Variants in CCDC171 observed in about 807,000 individuals in gnomAD.
CCDC171 encodes the protein coiled-coil domain-containing protein 171.
A neutral mutation model predicts 168.2 loss-of-function variants in CCDC171; 177 were observed. The ratio of observed to expected loss-of-function variants is 1.05; its 90% CI spans 0.93 to 1.19. The LOEUF (loss-of-function observed/expected upper bound fraction) is 1.19. CCDC171 is among the 50% of genes most tolerant of loss of function. The probability of loss-of-function intolerance (pLI) is 0.00; values close to 1 mark genes in which losing one functional copy is unlikely to be tolerated. For missense variants in CCDC171, 1,991 were observed against 1,539.0 expected (o/e 1.29, Z -4.91); for synonymous variants, 687 against 540.8 (o/e 1.27, Z -3.75).
At chr9:15,778,750 T>C (rs886218549) in intron 19 of CCDC171, among the ~76,000 whole-genome samples, 2 of 152,084 alleles carry the variant, frequency 1.3e-5, no homozygotes, top group African/African-American at 4.8e-5. Flanking sequence ...GTCAATTTCA[T>C]TTTTAGCTAT....
intron 23 of CCDC171, among the ~76,000 whole-genome samples, chr9:15,870,077 A>G (rs2061969817): frequency 6.6e-6 from 1 of 151,442 alleles, no homozygotes; most frequent in Non-Finnish European, 1.5e-5. Context: ...GCAGCCATGG[A>G]CAATAGGTAA....
intron 11 of CCDC171, among the ~76,000 whole-genome samples, chr9:15,705,566 C>G (rs1030155286): frequency 6.6e-6 from 1 of 152,186 alleles, no homozygotes; most frequent in African/African-American, 2.4e-5. Context: ...GTATAGCTCT[C>G]TTTCTTGTCT....
intron 18 of CCDC171, among the ~76,000 whole-genome samples, chr9:15,751,854 G>A (rs2055766034): frequency 6.6e-6 from 1 of 152,138 alleles, no homozygotes; most frequent in South Asian, 2.1e-4. Context: ...CATGGGCAAA[G>A]ACTTCATGAC....
intron 8 of CCDC171, among the ~76,000 whole-genome samples, chr9:15,660,082 C>T (rs1165952515): frequency 6.6e-6 from 1 of 152,094 alleles, no homozygotes; most frequent in Admixed American, 6.6e-5. Flanking sequence ...GTTTAAAGAA[C>T]TCCCAATGTA....
intron 18 of CCDC171, among the ~76,000 whole-genome samples, chr9:15,746,888 C>A (rs2055331321): frequency 6.6e-6 from 1 of 152,218 alleles, no homozygotes; most frequent in African/African-American, 2.4e-5. Flanking sequence ...GAATGGTACA[C>A]TTCTGCTCAA....
chr9:15,672,426 C>T (rs895918294), intron 9 of CCDC171, among the ~76,000 whole-genome samples: 1 of 152,184 alleles, frequency 6.6e-6, no homozygotes, highest in African/African-American at 2.4e-5. Flanking sequence ...AGTCTTTGCT[C>T]ATGCCTATGT....
intron 4 of CCDC171, chr9:15,588,216 G>C (rs3122707): frequency 0.91 from 143,043 of 157,274 alleles, 65,364 homozygotes; most frequent in African/African-American, 0.98. Flanking sequence ...GCCTGGGTGA[G>C]AGAGTGAGAC....
chr9:15,775,105 T>TG (rs1554807798), intron 18 of CCDC171, among the ~76,000 whole-genome samples: 1 of 151,836 alleles, frequency 6.6e-6, no homozygotes, highest in African/African-American at 2.4e-5. Flanking sequence ...CCTATTGAAA[T>TG]AAAAAAAATT....
At chr9:15,629,061 TA>T (rs1380675017) in intron 7 of CCDC171, among the ~76,000 whole-genome samples, 1 of 151,822 alleles carries the variant, frequency 6.6e-6, no homozygotes, top group Non-Finnish European at 1.5e-5. Context: ...CAAAAGTAGA[TA>T]AAACCACAAA....
In CCDC171 at chr9:15,744,458, A is replaced by G. The variant is rs373401553; in HGVS notation, c.2235A>G (p.Ser745=). The stretch of plus-strand genomic sequence containing the variant: ...CCTTATATCCCCTCTATAGCCGATC[A>G]TGCGCCTTGTCTACACAGAGAGATT... The part of the protein sequence containing the change: ...AGALYPLYSR[S]CALSTQRDFL... Residue 745 remains serine (S), a synonymous_variant, in exon 17 of 26, where the codon TCA becomes TCG. Transcript: ENST00000380701. 1 of 1,614,178 alleles carries G rather than the reference A, an allele frequency of 6.2e-7. No individual in the cohort carries two copies. The highest frequency in any genetic ancestry group is 8.5e-7 in the Non-Finnish European group (1 of 1,180,028).
chr9:15,650,895 T>C (rs970023830), intron 7 of CCDC171, among the ~76,000 whole-genome samples: 7 of 152,066 alleles, frequency 4.6e-5, no homozygotes, highest in African/African-American at 1.7e-4. Context: ...TATTTTAAAA[T>C]ATACAATACA....
At chr9:15,890,681 C>G (rs1820102216) in intron 24 of CCDC171, among the ~76,000 whole-genome samples, 1 of 152,112 alleles carries the variant, frequency 6.6e-6, no homozygotes, top group South Asian at 2.1e-4. Context: ...ACCTGGGAAT[C>G]AATTTGTCCT....
the CCDC171 span, among the ~76,000 whole-genome samples, chr9:16,098,098 C>T: frequency 2.6e-5 from 4 of 152,174 alleles, no homozygotes; most frequent in African/African-American, 9.7e-5. Flanking sequence ...CAATGCAATC[C>T]ATTAGTTATT....
At chr9:16,058,028 GT>G (rs1833869364) in intron 1 of CCDC171, among the ~76,000 whole-genome samples, 1 of 148,440 alleles carries the variant, frequency 6.7e-6, no homozygotes. Flanking sequence ...GTTGAAGCCA[GT>G]TGTGAATTTT....
intron 11 of CCDC171, among the ~76,000 whole-genome samples, chr9:15,708,367 A>T (rs991216152): frequency 6.6e-6 from 1 of 152,188 alleles, no homozygotes; most frequent in Non-Finnish European, 1.5e-5. Flanking sequence ...AGTCAATAGA[A>T]CTGGAATGAA....
chr9:15,652,383 C>T (rs567127533), intron 7 of CCDC171, among the ~76,000 whole-genome samples: 165 of 151,452 alleles, frequency 1.1e-3, no homozygotes, highest in Non-Finnish European at 1.9e-3. Context: ...CAGTTCCTTT[C>T]TGTGGATCTA....
intron 6 of CCDC171, among the ~76,000 whole-genome samples, chr9:15,610,458 A>C (rs1192113820): frequency 7.6e-6 from 1 of 130,904 alleles, no homozygotes; most frequent in Non-Finnish European, 1.6e-5. Context: ...AAAAAAAAAA[A>C]AAAAAAAAAA....
At position 15,843,286 on chromosome 9, in the gene CCDC171, G is replaced by T. The variant is rs114350156; in HGVS notation, c.3268-3416G>T. 7.9e-3 allele frequency among the ~76,000 whole-genome samples: 1,206 copies of T among 152,104 alleles called. 12 individuals carry two copies. Among genetic ancestry groups the T allele is most frequent in the African/African-American group, 0.028 (1,149 of 41,522 alleles). On this transcript the variant is annotated intron_variant, in intron 21 of 25. Coordinates refer to ENST00000380701, the MANE Select transcript of CCDC171 (RefSeq NM_173550.4). ...GCTTTAAAACATTTTGGATTTAAAA[G>T]GAAAACTGGAAATCTTTGATAAATA...
intron 6 of CCDC171, among the ~76,000 whole-genome samples, chr9:15,598,465 G>A (rs1016292265): frequency 3.3e-5 from 5 of 152,098 alleles, no homozygotes; most frequent in African/African-American, 1.2e-4. Context: ...GGTTTTGAGT[G>A]AGTTTCTTAA....
Sources: gnomAD v4.1 joint callset for allele counts (sites outside exome capture counted in the v4.1 genomes callset) on GRCh38, gnomAD v4.1.1 for gene constraint, MANE v1.5 for transcripts, NCBI Gene and HGNC (gene_info 2026-07-23, HGNC 2026-07-21) for gene names.